CEL: variants seen among roughly 807,000 people sequenced by gnomAD.
The protein encoded by CEL is carboxyl ester lipase, also known as bile salt-activated lipase.
In CEL, 39 loss-of-function variants were observed where a neutral mutation model predicts 57.1. The observed-to-expected ratio is 0.68, with a 90% CI of 0.53 to 0.89. CEL has a LOEUF of 0.89. CEL is among the 40% of genes least tolerant of loss of function. CEL has a pLI of 0.00. For missense variants in CEL, 698 were observed against 915.0 expected (o/e 0.76, Z 3.06); for synonymous variants, 314 against 396.6 (o/e 0.79, Z 2.48).
chr9:133,067,151 A>G lies in CEL; in HGVS notation c.841A>G (p.Thr281Ala). Residue 281 changes from threonine (T) to alanine (A), a missense_variant, in exon 7 of 11, where the codon ACT (threonine) becomes GCT (alanine). Physicochemically the swap from Thr to Ala is moderately conservative, Grantham distance 58. Transcript: ENST00000372080. ...AARMAQCLKVTDPRALTLAYK... is the reference protein window; with the variant it reads ...AARMAQCLKVADPRALTLAYK... ...CAGGATGGCCCAGTGTCTGAAGGTT[A>G]CTGATCCCCGAGCCCTGACGCTGGC... 6.2e-7 allele frequency: 1 copy of G among 1,614,038 alleles called. No homozygotes were observed.
chr9:133,070,958 C>A (rs745916010), intron 10 of CEL, 29 bp from the exon 11 acceptor site: 1 of 1,611,358 alleles, frequency 6.2e-7, no homozygotes, highest in Non-Finnish European at 8.5e-7. Flanking sequence ...GAGTCCCCAG[C>A]CCCTGCACAG....
In CEL at chr9:133,066,521, T is replaced by TGCCCC; in HGVS notation, c.539-8_539-4dup. ...GTCTCTAGCACCCCCTCCCCTGCCC[T>TGCCCC]GCCCCCAGGTAACTATGGCCTTCGG... On this transcript the variant is annotated splice_polypyrimidine_tract_variant and intron_variant, in intron 4 of 10. Coordinates refer to ENST00000372080, the MANE Select transcript of CEL (RefSeq NM_001807.6). The surrounding 1 kb of genome is among the most constrained non-coding windows in gnomAD (Gnocchi z 4.3). The TGCCCC allele has an allele frequency of 4.3e-6, 7 of 1,613,958 alleles. No homozygotes were observed. The highest frequency in any genetic ancestry group is 5.9e-6 in the Non-Finnish European group (7 of 1,179,990).
Position 133,066,372 on chromosome 9 carries a change from G to A in CEL, c.539-158G>A, listed in dbSNP as rs981005641. Reference sequence around the variant, plus strand: ...ACCCACCCCCTCCAGCACCCTACCCGACCCAGCTTCTTAGGGACCCACCAT... The same window carrying A: ...ACCCACCCCCTCCAGCACCCTACCCAACCCAGCTTCTTAGGGACCCACCAT... On this transcript the variant is annotated intron_variant, in intron 4 of 10. Coordinates refer to ENST00000372080, the MANE Select transcript of CEL (RefSeq NM_001807.6). This position sits in a 1 kb window ranked among gnomAD's most constrained non-coding sequence, Gnocchi z 4.3. 5.7e-4 allele frequency among the ~76,000 whole-genome samples: 86 copies of A among 151,932 alleles called. No individual in the cohort carries two copies. The highest frequency in any genetic ancestry group is 2.0e-3 in the African/African-American group (82 of 41,450).
chr9:133,065,335 G>A lies in CEL; in HGVS notation c.538+98G>A, dbSNP rs114726618. ...CCCCTCACCCCAAACAACCAGTGGCGGTTCACAGAAAGACCCGGAAGCTGG... is the reference window on the plus strand; with the variant it reads ...CCCCTCACCCCAAACAACCAGTGGCAGTTCACAGAAAGACCCGGAAGCTGG... On this transcript the variant is annotated intron_variant, in intron 4 of 10. Coordinates refer to ENST00000372080, the MANE Select transcript of CEL (RefSeq NM_001807.6). 3.6e-4 allele frequency: 497 copies of A among 1,387,074 alleles called. 2 individuals are homozygous for A. In the African/African-American group the frequency reaches 6.5e-3, roughly 18 times the overall value. 85.9% of individuals were successfully genotyped at this position (1,387,074 alleles called of 1,614,324 possible).
intron 10 of CEL, 127 bp from the exon 11 acceptor site, chr9:133,070,860 T>G (rs1207812165): frequency 8.7e-6 from 11 of 1,262,666 alleles, no homozygotes. Flanking sequence ...GTGCCCAGTA[T>G]GCAGTGAGGG....
chr9:133,063,211 G>T (rs1830119107), intron 1 of CEL, among the ~76,000 whole-genome samples: 1 of 152,236 alleles, frequency 6.6e-6, no homozygotes, highest in South Asian at 2.1e-4. Flanking sequence ...TTCTTCTTGG[G>T]CGAGCTCTTC....
intron 4 of CEL, among the ~76,000 whole-genome samples, chr9:133,065,542 AC>A (rs1830164364): frequency 6.6e-6 from 1 of 152,150 alleles, no homozygotes; most frequent in African/African-American, 2.4e-5. Context: ...CCATCTCTAC[AC>A]AAAAATTAAA....
intron 1 of CEL, among the ~76,000 whole-genome samples, chr9:133,063,782 G>A (rs567517857): frequency 5.9e-4 from 90 of 152,252 alleles, no homozygotes; most frequent in African/African-American, 2.0e-3. Flanking sequence ...GAAGCGTGGC[G>A]GGGGTGGGAG....
chr9:133,063,072 C>T (rs371021041), intron 1 of CEL, among the ~76,000 whole-genome samples: 13,877 of 149,868 alleles, frequency 0.093, 557 homozygotes, highest in African/African-American at 0.23. Flanking sequence ...GCTGTTCTGC[C>T]GCCTGCGGTG....
Position 133,063,993 on chromosome 9 carries a change from C to T in CEL, c.67-411C>T, listed in dbSNP as rs367681196. Among the ~76,000 whole-genome samples the T allele has an allele frequency of 2.4e-4, 37 of 152,270 alleles. No individual in the cohort carries two copies. The East Asian group carries it at 2.7e-3, about 11-fold the overall frequency. ...CACTGAGCATTGGGTACACTCCTCC[C>T]GGGAGCTGGACAGGCCTCCCATGTG... On this transcript the variant is annotated intron_variant, in intron 1 of 10. Coordinates refer to ENST00000372080, the MANE Select transcript of CEL (RefSeq NM_001807.6).
rs761030430 is a variant in CEL at position 133,063,571 on chromosome 9, A to G, written c.67-833A>G. Among the ~76,000 whole-genome samples, 11 of 152,318 alleles carry G rather than the reference A, an allele frequency of 7.2e-5. 1 individual carries two copies. Among genetic ancestry groups the G allele is most frequent in the Middle Eastern group, 6.8e-3 (2 of 294 alleles). On this transcript the variant is annotated intron_variant, in intron 1 of 10. Transcript: ENST00000372080. ...AAGCAATGACCTGGTCCCACCATGC[A>G]CCACGGGAAGAGGGAGCTGCTGCCC...
Position 133,064,241 on chromosome 9 carries a change from A to T in CEL, c.67-163A>T, listed in dbSNP as rs568909532. ...GAGGAACAGGAATCCTAAAGCCCTG[A>T]GCATTGCAGGGCAGGGGGTGCTGCC... On this transcript the variant is annotated intron_variant, in intron 1 of 10. Transcript: ENST00000372080. 3.9e-5 allele frequency among the ~76,000 whole-genome samples: 6 copies of T among 152,310 alleles called. No homozygotes were observed. In the South Asian group the frequency reaches 1.2e-3, roughly 32 times the overall value.
intron 1 of CEL, 93 bp from the exon 2 acceptor site, chr9:133,064,311 C>T (rs1830138321): frequency 1.9e-6 from 3 of 1,565,092 alleles, no homozygotes; most frequent in African/African-American, 2.7e-5. Context: ...CTGTCTTTGC[C>T]TCTGGGCACG....
At chr9:133,064,899 C>G in intron 3 of CEL, 137 bp downstream of exon 3, 1 of 1,538,754 alleles carries the variant, frequency 6.5e-7, no homozygotes, top group Non-Finnish European at 8.9e-7. Flanking sequence ...CGCCCACTGC[C>G]GTTGCCCAGC....
rs953756858 is a variant in CEL, at chr9:133,066,767, G to T, written c.670-71G>T. On this transcript the variant is annotated intron_variant, in intron 5 of 10. Coordinates refer to ENST00000372080, the MANE Select transcript of CEL (RefSeq NM_001807.6). This position sits in a 1 kb window ranked among gnomAD's most constrained non-coding sequence, Gnocchi z 4.3. The stretch of plus-strand genomic sequence containing the variant: ...GTGGAGCTGGGGCTGTGGTGCTGGG[G>T]TGTCCTTGTCCCAGCGTGGGGTGGG... The T allele has an allele frequency of 1.9e-6, 3 of 1,606,824 alleles. No individual in the cohort carries two copies. The highest frequency in any genetic ancestry group is 1.7e-6 in the Non-Finnish European group (2 of 1,174,840).
intron 1 of CEL, 32 bp downstream of exon 1, chr9:133,062,100 G>C (rs1830100133): frequency 6.5e-7 from 1 of 1,528,292 alleles, no homozygotes; most frequent in Non-Finnish European, 8.8e-7. Context: ...AGGTCCTGCT[G>C]CTCTCTCGCT....
chr9:133,064,541 T>C lies in CEL; in HGVS notation c.204T>C (p.His68=), dbSNP rs376893716. 5.7e-5 allele frequency: 92 copies of C among 1,614,018 alleles called. No homozygotes were observed. The highest frequency in any genetic ancestry group is 7.5e-5 in the Non-Finnish European group (89 of 1,180,010). The stretch of plus-strand genomic sequence containing the variant: ...AGGCCCTGGAAAATCCTCAGCCACA[T>C]CCTGGCTGGCAAGGTGGGAGTGGGT... ...PTKALENPQP[H]PGWQGTLKAK... is the part of the protein sequence containing the mutation. Residue 68 remains histidine, a synonymous_variant, in exon 2 of 11, where the codon CAT becomes CAC. Transcript: ENST00000372080.
intron 7 of CEL, among the ~76,000 whole-genome samples, 180 bp downstream of exon 7, chr9:133,067,385 T>C (rs1830198193): frequency 6.7e-6 from 1 of 148,204 alleles, no homozygotes; most frequent in East Asian, 1.9e-4. Flanking sequence ...CCGTTTCTTC[T>C]TTTTTTTTGA....
chr9:133,065,152 C>T lies in CEL; in HGVS notation c.453C>T (p.Ala151=). ...ACCTGTATGACGGCGAGGAGATCGCCACACGCGGAAACGTCATCGTGGTCA... is the reference window on the plus strand; with the variant it reads ...ACCTGTATGACGGCGAGGAGATCGCTACACGCGGAAACGTCATCGTGGTCA... ...NNYLYDGEEI[A]TRGNVIVVTF... Residue 151 remains alanine (A), a synonymous_variant, in exon 4 of 11, where the codon GCC becomes GCT. Coordinates refer to ENST00000372080, the MANE Select transcript of CEL (RefSeq NM_001807.6). 6.2e-7 allele frequency: 1 copy of T among 1,613,952 alleles called. No individual in the cohort carries two copies. Among genetic ancestry groups the T allele is most frequent in the Non-Finnish European group, 8.5e-7 (1 of 1,180,030 alleles).
Sources: gnomAD v4.1 joint callset for allele counts (sites outside exome capture counted in the v4.1 genomes callset) on GRCh38, gnomAD v4.1.1 for gene constraint, Gnocchi (gnomAD v3.1) non-coding constraint, MANE v1.5 for transcripts, NCBI Gene and HGNC (gene_info 2026-07-23, HGNC 2026-07-21) for gene names.